The following TRIP4 variants were observed in gnomAD, a reference collection of about 807,000 sequenced individuals.
TRIP4 encodes activating signal cointegrator 1.
TRIP4 carries 54 observed loss-of-function variants against 81.8 expected under a neutral mutation model. That is an observed-to-expected ratio of 0.66 (90% CI 0.53 to 0.83). The LOEUF (loss-of-function observed/expected upper bound fraction) is 0.83. TRIP4 is among the 40% of genes least tolerant of loss of function. The pLI is 0.00. For synonymous variants in TRIP4, 270 were observed against 242.8 expected (o/e 1.11, Z -1.04); for missense variants, 662 against 683.6 (o/e 0.97, Z 0.35).
At chr15:64,452,590 C>A (rs905807403) in intron 12 of TRIP4, among the ~76,000 whole-genome samples, 2 of 152,154 alleles carry the variant, frequency 1.3e-5, no homozygotes, top group African/African-American at 4.8e-5. Flanking sequence ...CTATAATCTT[C>A]TTAATAATTC....
At chr15:64,421,390 G>A (rs1304637136) in intron 9 of TRIP4, among the ~76,000 whole-genome samples, 3 of 150,542 alleles carry the variant, frequency 2.0e-5, no homozygotes, top group East Asian at 4.0e-4. Flanking sequence ...AGGCTGGAGT[G>A]CAGTGGCATG....
chr15:64,424,355 C>T (rs572796703), intron 10 of TRIP4, 200 bp downstream of exon 10: 3 of 594,354 alleles, frequency 5.0e-6, no homozygotes, highest in African/African-American at 3.7e-5. Context: ...ATAAAAATAT[C>T]AATTTCCAAC....
At chr15:64,411,380 A>G (rs1891757286) in intron 7 of TRIP4, among the ~76,000 whole-genome samples, 1 of 152,202 alleles carries the variant, frequency 6.6e-6, no homozygotes, top group African/African-American at 2.4e-5. Flanking sequence ...AGGGATGCTA[A>G]TAATGGGGGA....
chr15:64,453,962 G>C (rs1001739904), intron 12 of TRIP4, among the ~76,000 whole-genome samples: 3 of 152,142 alleles, frequency 2.0e-5, no homozygotes, highest in African/African-American at 7.2e-5. Flanking sequence ...TACCAGAGAA[G>C]GGTGGACTAG....
rs759613955 is a variant in TRIP4 at position 64,425,675 on chromosome 15, A to G, written c.1575+44A>G. 7 of 1,536,592 alleles carry G rather than the reference A, an allele frequency of 4.6e-6. No homozygotes were observed. In the South Asian group the frequency reaches 8.1e-5, roughly 18 times the overall value. ...TTTTTTTTAGAGACAGGGTTTCGCCATGTTGGCCAGGCTGGTCTTGAAAGC... is the reference window on the plus strand; with the variant it reads ...TTTTTTTTAGAGACAGGGTTTCGCCGTGTTGGCCAGGCTGGTCTTGAAAGC... On this transcript the variant is annotated intron_variant, in intron 11 of 12. Coordinates refer to ENST00000261884, the MANE Select transcript of TRIP4 (RefSeq NM_016213.5).
chr15:64,448,685 G>GAA (rs1200886429), intron 12 of TRIP4, among the ~76,000 whole-genome samples: 1 of 151,970 alleles, frequency 6.6e-6, no homozygotes, highest in Non-Finnish European at 1.5e-5. Context: ...GGCTGGTCTT[G>GAA]AACTCCTGAG....
At chr15:64,449,981 A>G (rs1892717390) in intron 12 of TRIP4, among the ~76,000 whole-genome samples, 1 of 152,234 alleles carries the variant, frequency 6.6e-6, no homozygotes, top group Non-Finnish European at 1.5e-5. Context: ...TTTAACACTG[A>G]AACGATTAGG....
chr15:64,414,024 G>A (rs1185990629), intron 7 of TRIP4, 61 bp from the exon 8 acceptor site: 26 of 1,575,854 alleles, frequency 1.6e-5, no homozygotes, highest in Admixed American at 1.2e-4. Context: ...TTATGTTGGT[G>A]GTAAGCATTC....
intron 6 of TRIP4, among the ~76,000 whole-genome samples, chr15:64,408,094 CA>C (rs750653412): frequency 0.012 from 1,176 of 98,684 alleles, 7 homozygotes; most frequent in African/African-American, 0.021. Flanking sequence ...GAGATTGTCT[CA>C]AAAAAAAAAA....
intron 5 of TRIP4, among the ~76,000 whole-genome samples, chr15:64,401,399 T>G (rs1299547127): frequency 6.6e-6 from 1 of 151,920 alleles, no homozygotes; most frequent in Non-Finnish European, 1.5e-5. Context: ...CCTCCCAAAG[T>G]GCTGAGATTA....
chr15:64,391,402 G>A (rs1009280129), intron 1 of TRIP4, among the ~76,000 whole-genome samples: 10 of 151,756 alleles, frequency 6.6e-5, no homozygotes, highest in East Asian at 5.9e-4. Context: ...TGGTCTGCCC[G>A]CCTCAGCCTC....
intron 11 of TRIP4, among the ~76,000 whole-genome samples, chr15:64,434,840 T>C (rs940103487): frequency 9.2e-5 from 14 of 152,184 alleles, no homozygotes; most frequent in African/African-American, 3.4e-4. Context: ...GTAGTGTCGC[T>C]ATCTACTTGG....
At chr15:64,408,093 T>C (rs1212136164) in intron 6 of TRIP4, among the ~76,000 whole-genome samples, 1 of 133,276 alleles carries the variant, frequency 7.5e-6, no homozygotes, top group African/African-American at 2.9e-5. Context: ...CGAGATTGTC[T>C]CAAAAAAAAA....
At chr15:64,390,087 ATATATTAAATATTAAATATATCAAATAT>A (rs1370287783) in intron 1 of TRIP4, among the ~76,000 whole-genome samples, 2 of 147,800 alleles carry the variant, frequency 1.4e-5, no homozygotes, top group African/African-American at 4.9e-5. Context: ...ATTATATTAA[ATATATTAAATATTAAATATATCAAATAT>A]TATATTAAAT....
intron 1 of TRIP4, among the ~76,000 whole-genome samples, chr15:64,391,371 G>T (rs547266229): frequency 6.6e-6 from 1 of 151,820 alleles, no homozygotes; most frequent in South Asian, 2.1e-4. Context: ...TGGCCAGGAT[G>T]GTCTCGGTCT....
chr15:64,394,422 G>A (rs561714593), intron 2 of TRIP4, among the ~76,000 whole-genome samples: 3 of 151,938 alleles, frequency 2.0e-5, no homozygotes, highest in Non-Finnish European at 4.4e-5. Flanking sequence ...TGGCTAACAC[G>A]GTGAAACCCC....
At chr15:64,394,201 T>C (rs1263761187) in intron 2 of TRIP4, 86 bp downstream of exon 2, 1 of 1,220,854 alleles carries the variant, frequency 8.2e-7, no homozygotes, top group Non-Finnish European at 1.1e-6. Flanking sequence ...TTTTTTGCCA[T>C]CTTGTGTTTC....
At chr15:64,411,643 A>T (rs985422270) in intron 7 of TRIP4, among the ~76,000 whole-genome samples, 55 of 151,712 alleles carry the variant, frequency 3.6e-4, no homozygotes, top group African/African-American at 1.3e-3. Flanking sequence ...TAAACAAAAA[A>T]GTTACAACTT....
chr15:64,451,298 A>G (rs1892751369), intron 12 of TRIP4, among the ~76,000 whole-genome samples: 1 of 151,466 alleles, frequency 6.6e-6, no homozygotes, highest in African/African-American at 2.4e-5. Flanking sequence ...TTTTTAGTAG[A>G]GACGGGGTTT....
Sources: allele counts gnomAD v4.1 joint callset (sites outside exome capture counted in the v4.1 genomes callset), GRCh38; gene constraint gnomAD v4.1.1; transcripts MANE v1.5; gene names NCBI Gene and HGNC (gene_info 2026-07-23, HGNC 2026-07-21).